LRMDA: variants seen among roughly 807,000 people sequenced by gnomAD.
LRMDA encodes the protein leucine rich melanocyte differentiation associated, also known as leucine-rich melanocyte differentiation-associated protein.
Under a neutral mutation model 29.8 loss-of-function variants are expected in LRMDA, and 18 were observed. The ratio of observed to expected loss-of-function variants is 0.60; its 90% CI spans 0.42 to 0.90. The LOEUF (loss-of-function observed/expected upper bound fraction) is 0.90. LRMDA is among the 40% of genes least tolerant of loss of function. The probability of loss-of-function intolerance (pLI) is 0.00; values close to 1 mark genes in which losing one functional copy is unlikely to be tolerated. For missense variants in LRMDA, 273 were observed against 273.9 expected (o/e 1.00, Z 0.02); for synonymous variants, 125 against 109.4 (o/e 1.14, Z -0.89).
At chr10:75,887,929 T>G (rs1845418142) in intron 2 of LRMDA, among the ~76,000 whole-genome samples, 1 of 152,168 alleles carries the variant, frequency 6.6e-6, no homozygotes, top group African/African-American at 2.4e-5. Flanking sequence ...GAGAATGAAA[T>G]TAACCACCTC....
At chr10:76,201,051 T>C (rs1243294342) in intron 5 of LRMDA, among the ~76,000 whole-genome samples, 1 of 147,870 alleles carries the variant, frequency 6.8e-6, no homozygotes, top group East Asian at 2.0e-4. Context: ...AGTGACCCCA[T>C]ATTATTAGTA....
intron 2 of LRMDA, among the ~76,000 whole-genome samples, chr10:75,898,649 A>G (rs1303544920): frequency 6.6e-6 from 1 of 152,136 alleles, no homozygotes; most frequent in Non-Finnish European, 1.5e-5. Flanking sequence ...TCTCAAAACA[A>G]GAAAAAAAAA....
intron 2 of LRMDA, among the ~76,000 whole-genome samples, chr10:75,873,313 T>A (rs565113697): frequency 1.3e-5 from 2 of 152,360 alleles, no homozygotes; most frequent in East Asian, 3.9e-4. Context: ...TCACTTTAAT[T>A]CAGTCTGGAA....
intron 2 of LRMDA, among the ~76,000 whole-genome samples, chr10:75,877,700 G>A (rs1290147120): frequency 2.6e-5 from 4 of 152,218 alleles, no homozygotes; most frequent in African/African-American, 4.8e-5. Flanking sequence ...GTATAAAAAT[G>A]TGCCACCTTC....
At chr10:76,418,105 C>T (rs951915070) in intron 6 of LRMDA, among the ~76,000 whole-genome samples, 1 of 152,030 alleles carries the variant, frequency 6.6e-6, no homozygotes, top group Non-Finnish European at 1.5e-5. Flanking sequence ...CTATCCTTGG[C>T]TCTTTGAATC....
At chr10:75,993,942 G>C (rs1222399854) in intron 2 of LRMDA, among the ~76,000 whole-genome samples, 2 of 152,110 alleles carry the variant, frequency 1.3e-5, no homozygotes, top group African/African-American at 4.8e-5. Context: ...ATCCAGAAGA[G>C]AGAGGGAAAA....
At chr10:75,527,326 T>A (rs2132040650) in intron 2 of LRMDA, among the ~76,000 whole-genome samples, 1 of 152,340 alleles carries the variant, frequency 6.6e-6, no homozygotes, top group East Asian at 1.9e-4. Context: ...CATTTTGCTA[T>A]TATGAATAAT....
intron 6 of LRMDA, among the ~76,000 whole-genome samples, chr10:76,326,943 C>T (rs1052037334): frequency 6.6e-6 from 1 of 151,998 alleles, no homozygotes; most frequent in South Asian, 2.1e-4. Context: ...TGTTGATTTT[C>T]TTCTTTCTAT....
intron 5 of LRMDA, among the ~76,000 whole-genome samples, chr10:76,226,597 A>G (rs1253259583): frequency 6.6e-6 from 1 of 152,102 alleles, no homozygotes; most frequent in Non-Finnish European, 1.5e-5. Flanking sequence ...AAAAGAAAAG[A>G]AAACAAAACA....
chr10:76,392,590 A>G (rs549542206), intron 6 of LRMDA, among the ~76,000 whole-genome samples: 1 of 152,106 alleles, frequency 6.6e-6, no homozygotes, highest in Non-Finnish European at 1.5e-5. Context: ...TTGGTGTCCA[A>G]CAAGTTTCAG....
intron 2 of LRMDA, among the ~76,000 whole-genome samples, chr10:75,954,759 G>A (rs1209515662): frequency 2.0e-5 from 3 of 152,178 alleles, no homozygotes; most frequent in Admixed American, 1.3e-4. Context: ...GCTTGTTGGC[G>A]GCTGCAGCAG....
chr10:75,869,113 G>A (rs1316370500), intron 2 of LRMDA, among the ~76,000 whole-genome samples: 1 of 152,202 alleles, frequency 6.6e-6, no homozygotes, highest in Non-Finnish European at 1.5e-5. Context: ...TTCTGTGACA[G>A]TGTTCCATCT....
chr10:75,509,349 A>C (rs1466812899), intron 2 of LRMDA, among the ~76,000 whole-genome samples: 1 of 152,226 alleles, frequency 6.6e-6, no homozygotes, highest in Non-Finnish European at 1.5e-5. Flanking sequence ...CAAATATTAA[A>C]TTCAAAACTC....
intron 2 of LRMDA, among the ~76,000 whole-genome samples, chr10:75,820,398 A>G (rs1455115705): frequency 2.0e-5 from 3 of 152,238 alleles, no homozygotes; most frequent in Non-Finnish European, 4.4e-5. Context: ...ATCTGATCAT[A>G]TGTGATTGTT....
intron 6 of LRMDA, among the ~76,000 whole-genome samples, chr10:76,389,187 G>A (rs749672985): frequency 2.8e-4 from 43 of 152,180 alleles, no homozygotes; most frequent in Non-Finnish European, 6.3e-4. Context: ...GCCTCATGAA[G>A]GGAGAACGGC....
At chr10:76,098,489 A>G (rs1205581131) in intron 5 of LRMDA, among the ~76,000 whole-genome samples, 2 of 152,230 alleles carry the variant, frequency 1.3e-5, no homozygotes, top group African/African-American at 4.8e-5. Context: ...AGTTTGTAAT[A>G]TTCTTTCATT....
At chr10:75,734,874 C>T (rs950100126) in intron 2 of LRMDA, among the ~76,000 whole-genome samples, 2 of 152,230 alleles carry the variant, frequency 1.3e-5, no homozygotes, top group Admixed American at 1.3e-4. Context: ...ATTCCACATT[C>T]TTATAGAGGC....
intron 6 of LRMDA, among the ~76,000 whole-genome samples, chr10:76,428,913 G>A (rs1589181686): frequency 6.6e-6 from 1 of 152,098 alleles, no homozygotes; most frequent in Non-Finnish European, 1.5e-5. Context: ...CTGTTATCAT[G>A]TTGACCAATT....
chr10:76,148,876 C>T (rs1042664211), intron 5 of LRMDA, among the ~76,000 whole-genome samples: 4 of 152,164 alleles, frequency 2.6e-5, no homozygotes, highest in Non-Finnish European at 5.9e-5. Context: ...AACAGGCCTA[C>T]AAGCATCTCC....
Sources: gnomAD v4.1 joint callset for allele counts (sites outside exome capture counted in the v4.1 genomes callset) on GRCh38, gnomAD v4.1.1 for gene constraint, MANE v1.5 for transcripts, NCBI Gene and HGNC (gene_info 2026-07-23, HGNC 2026-07-21) for gene names.